CACNA2D3: variants seen among roughly 807,000 people sequenced by gnomAD.
The protein encoded by CACNA2D3 is voltage-dependent calcium channel subunit alpha-2/delta-3.
In CACNA2D3, 60 loss-of-function variants were observed where a neutral mutation model predicts 160.6. The ratio of observed to expected loss-of-function variants is 0.37; its 90% CI spans 0.30 to 0.46. CACNA2D3 has a LOEUF of 0.46. Ranked by LOEUF, CACNA2D3 falls within the 20% of genes least tolerant of loss-of-function variation. CACNA2D3 has a pLI of 1.00. For missense variants in CACNA2D3, 1,205 were observed against 1,365.0 expected (o/e 0.88, Z 1.85); for synonymous variants, 558 against 492.9 (o/e 1.13, Z -1.75).
intron 27 of CACNA2D3, among the ~76,000 whole-genome samples, chr3:54,957,154 T>C (rs12635080): frequency 3.3e-5 from 5 of 149,570 alleles, no homozygotes; most frequent in Non-Finnish European, 7.4e-5. Context: ...AATCAAGTTA[T>C]AAAATAATTT....
intron 11 of CACNA2D3, among the ~76,000 whole-genome samples, chr3:54,729,488 A>T (rs1701343192): frequency 6.6e-6 from 1 of 152,198 alleles, no homozygotes; most frequent in Non-Finnish European, 1.5e-5. Context: ...GCTTTATTCC[A>T]GGAGCTGGGC....
At chr3:54,776,888 A>G (rs1702435823) in intron 13 of CACNA2D3, among the ~76,000 whole-genome samples, 1 of 152,148 alleles carries the variant, frequency 6.6e-6, no homozygotes, top group Non-Finnish European at 1.5e-5. Context: ...CCGAGAGCTG[A>G]GGAAGATATT....
chr3:54,795,105 T>C (rs1412475284), intron 13 of CACNA2D3, among the ~76,000 whole-genome samples: 2 of 152,154 alleles, frequency 1.3e-5, no homozygotes, highest in Non-Finnish European at 2.9e-5. Flanking sequence ...GTGTGCTTCA[T>C]TTCTTATTGT....
At chr3:54,194,758 A>G (rs914649762) in intron 2 of CACNA2D3, among the ~76,000 whole-genome samples, 1 of 152,188 alleles carries the variant, frequency 6.6e-6, no homozygotes, top group Non-Finnish European at 1.5e-5. Context: ...TGTGGAAGAG[A>G]GTGAACCCAC....
At chr3:54,813,538 CATG>C (rs1703379625) in intron 13 of CACNA2D3, among the ~76,000 whole-genome samples, 1 of 152,122 alleles carries the variant, frequency 6.6e-6, no homozygotes, top group African/African-American at 2.4e-5. Context: ...GGGTGATTAA[CATG>C]GTGGTGGGGG....
chr3:54,738,589 C>G (rs1701578072), intron 11 of CACNA2D3, among the ~76,000 whole-genome samples: 1 of 152,206 alleles, frequency 6.6e-6, no homozygotes, highest in Admixed American at 6.5e-5. Flanking sequence ...TGTTTATTCT[C>G]TTTTAAAATA....
intron 35 of CACNA2D3, among the ~76,000 whole-genome samples, chr3:55,045,295 C>A (rs866946633): frequency 2.0e-5 from 3 of 152,166 alleles, no homozygotes; most frequent in African/African-American, 7.2e-5. Context: ...GGTGATCCAC[C>A]CACCTCGGCC....
intron 4 of CACNA2D3, among the ~76,000 whole-genome samples, chr3:54,476,880 A>T (rs576692945): frequency 2.6e-5 from 4 of 152,226 alleles, no homozygotes; most frequent in Non-Finnish European, 5.9e-5. Context: ...TTTCTAAGAC[A>T]TCAATAACTT....
At chr3:54,756,285 A>G (rs1701969398) in intron 12 of CACNA2D3, among the ~76,000 whole-genome samples, 1 of 152,118 alleles carries the variant, frequency 6.6e-6, no homozygotes, top group African/African-American at 2.4e-5. Context: ...AGCCTTGGGA[A>G]TGTCACTGTT....
intron 4 of CACNA2D3, among the ~76,000 whole-genome samples, chr3:54,401,916 C>G (rs575092655): frequency 2.6e-5 from 4 of 152,050 alleles, no homozygotes; most frequent in East Asian, 3.9e-4. Flanking sequence ...TCAAAACAGT[C>G]AAAAATAATG....
chr3:54,768,633 T>C (rs1468816739), intron 13 of CACNA2D3, among the ~76,000 whole-genome samples: 1 of 152,192 alleles, frequency 6.6e-6, no homozygotes, highest in African/African-American at 2.4e-5. Context: ...TCTTAAACAT[T>C]TGCACAAATT....
At chr3:54,969,261 A>ATTTTTTTTTT (rs139722160) in intron 28 of CACNA2D3, among the ~76,000 whole-genome samples, 2 of 127,794 alleles carry the variant, frequency 1.6e-5, no homozygotes, top group African/African-American at 2.8e-5. Context: ...CATAAAGTAG[A>ATTTTTTTTTT]CTTTTTTTTT....
chr3:55,040,667 A>G (rs1168241058), intron 35 of CACNA2D3, among the ~76,000 whole-genome samples: 3 of 152,208 alleles, frequency 2.0e-5, no homozygotes, highest in Non-Finnish European at 4.4e-5. Flanking sequence ...CCTGGGCAAC[A>G]TAGTGAGACC....
chr3:54,754,978 C>T (rs1701944832), intron 12 of CACNA2D3, among the ~76,000 whole-genome samples: 1 of 152,108 alleles, frequency 6.6e-6, no homozygotes, highest in African/African-American at 2.4e-5. Context: ...TTTTCTGTTC[C>T]TTCTCAGTTT....
At chr3:54,636,047 A>G (rs1212784258) in intron 10 of CACNA2D3, among the ~76,000 whole-genome samples, 1 of 151,890 alleles carries the variant, frequency 6.6e-6, no homozygotes, top group Non-Finnish European at 1.5e-5. Flanking sequence ...TGTGTAGGGA[A>G]GGGAGGGGGC....
At chr3:54,767,213 C>G (rs182347783) in intron 13 of CACNA2D3, among the ~76,000 whole-genome samples, 6 of 151,978 alleles carry the variant, frequency 3.9e-5, no homozygotes. Flanking sequence ...GCAAACAGAA[C>G]AAAATGAATC....
chr3:54,931,810 A>G (rs1701197457), intron 27 of CACNA2D3, among the ~76,000 whole-genome samples: 2 of 152,278 alleles, frequency 1.3e-5, no homozygotes, highest in African/African-American at 4.8e-5. Flanking sequence ...ATGATTATTA[A>G]CCCTACAATA....
chr3:54,794,976 G>T (rs1319810649), intron 13 of CACNA2D3, among the ~76,000 whole-genome samples: 1 of 151,864 alleles, frequency 6.6e-6, no homozygotes, highest in Non-Finnish European at 1.5e-5. Flanking sequence ...TATTTCTTCA[G>T]ATATTTTATT....
At chr3:55,050,566 C>G (rs1185545372) in intron 35 of CACNA2D3, among the ~76,000 whole-genome samples, 4 of 146,344 alleles carry the variant, frequency 2.7e-5, no homozygotes, top group African/African-American at 7.7e-5. Context: ...TTTGGTGAAT[C>G]TGACAATTAT....
Sources: gnomAD v4.1 joint callset for allele counts (sites outside exome capture counted in the v4.1 genomes callset) on GRCh38, gnomAD v4.1.1 for gene constraint, MANE v1.5 for transcripts, NCBI Gene and HGNC (gene_info 2026-07-23, HGNC 2026-07-21) for gene names.